MEGF11: variants seen among roughly 807,000 people sequenced by gnomAD.
MEGF11 encodes multiple epidermal growth factor-like domains protein 11.
In MEGF11, 126 loss-of-function variants were observed where a neutral mutation model predicts 146.6. The ratio of observed to expected loss-of-function variants is 0.86; its 90% CI spans 0.74 to 1.00. The LOEUF (loss-of-function observed/expected upper bound fraction) is 1.00, where lower values mean the gene tolerates loss of function less well. Ranked by LOEUF, MEGF11 falls within the 50% of genes least tolerant of loss-of-function variation. The pLI is 0.00. For missense variants in MEGF11, 1,509 were observed against 1,521.2 expected, an observed-to-expected ratio of 0.99 and a Z score of 0.13; for synonymous variants, 532 against 583.4, an observed-to-expected ratio of 0.91 and a Z score of 1.27.
At chr15:66,107,011 C>T (rs2087114431) in intron 4 of MEGF11, among the ~76,000 whole-genome samples, 1 of 151,736 alleles carries the variant, frequency 6.6e-6, no homozygotes, top group Non-Finnish European at 1.5e-5. Context: ...ATTCTAACTT[C>T]GTGATAGGGG....
At chr15:66,167,594 G>A (rs534595650) in intron 1 of MEGF11, among the ~76,000 whole-genome samples, 5 of 152,006 alleles carry the variant, frequency 3.3e-5, no homozygotes, top group Admixed American at 6.6e-5. Flanking sequence ...GCAGTGAGCC[G>A]AGATTGCGCC....
intron 5 of MEGF11, among the ~76,000 whole-genome samples, chr15:66,029,991 G>A (rs1203561098): frequency 6.6e-6 from 1 of 152,162 alleles, no homozygotes; most frequent in Non-Finnish European, 1.5e-5. Context: ...CTATTCCTGG[G>A]GACATTTTTC....
At chr15:66,105,415 T>C (rs2087021549) in intron 4 of MEGF11, among the ~76,000 whole-genome samples, 1 of 152,192 alleles carries the variant, frequency 6.6e-6, no homozygotes, top group African/African-American at 2.4e-5. Context: ...ATAAGTCCAT[T>C]GTGCAAGAAG....
intron 5 of MEGF11, among the ~76,000 whole-genome samples, chr15:65,997,405 A>G (rs935237117): frequency 1.3e-5 from 2 of 152,180 alleles, no homozygotes; most frequent in African/African-American, 4.8e-5. Context: ...TAAAAGCACC[A>G]TGGTCCTGTC....
chr15:65,898,118 GTTC>G (rs1160459958), intron 25 of MEGF11, 24 bp from the exon 26 acceptor site: 2 of 1,602,222 alleles, frequency 1.2e-6, no homozygotes, highest in Non-Finnish European at 1.7e-6. Context: ...TGAAAAATGA[GTTC>G]AGAGAACAGA....
intron 24 of MEGF11, among the ~76,000 whole-genome samples, chr15:65,900,320 AAAAGTG>A (rs1423048969): frequency 6.6e-6 from 1 of 152,214 alleles, no homozygotes; most frequent in African/African-American, 2.4e-5. Context: ...GAAAATGGTA[AAAAGTG>A]AAAGTGATAA....
chr15:66,056,062 G>T (rs1322081133), intron 5 of MEGF11, among the ~76,000 whole-genome samples: 1 of 152,140 alleles, frequency 6.6e-6, no homozygotes, highest in Non-Finnish European at 1.5e-5. Context: ...TGTTAGAAAT[G>T]CAGAGTGTCA....
chr15:65,968,911 G>A (rs1349052421), intron 8 of MEGF11, among the ~76,000 whole-genome samples: 1 of 152,204 alleles, frequency 6.6e-6, no homozygotes, highest in African/African-American at 2.4e-5. Context: ...ATGATTTGGG[G>A]TGGGTTAATG....
In MEGF11 at chr15:65,957,650, G is replaced by A; in HGVS notation, c.1184C>T (p.Pro395Leu). ...WSGHHCNESCPVGYYGDGCQL... is the reference protein window; with the variant it reads ...WSGHHCNESCLVGYYGDGCQL... ...GCAGCCATCGCCATAGTAGCCAACA[G>A]GGCAGGATTCATTGCAGTGGTGACC... The change falls in exon 10 of 26, where the codon CCT becomes CTT. Residue 395 changes from proline to leucine, a missense_variant. By Grantham distance (98) the Pro-to-Leu change is moderately conservative (BLOSUM62 -3). Transcript: ENST00000395614. The A allele has an allele frequency of 1.2e-6, 2 of 1,614,016 alleles. No individual in the cohort carries two copies. Among genetic ancestry groups the A allele is most frequent in the Non-Finnish European group, 1.7e-6 (2 of 1,179,906 alleles).
chr15:66,168,337 G>T (rs1442476335), intron 1 of MEGF11, among the ~76,000 whole-genome samples: 1 of 152,062 alleles, frequency 6.6e-6, no homozygotes, highest in African/African-American at 2.4e-5. Flanking sequence ...ATGCCCTCCA[G>T]CTCCTGCCCA....
At chr15:66,202,735 T>C (rs894600933) in intron 1 of MEGF11, among the ~76,000 whole-genome samples, 1 of 152,232 alleles carries the variant, frequency 6.6e-6, no homozygotes, top group African/African-American at 2.4e-5. Flanking sequence ...GGTCAGTTTC[T>C]TTCAGGACTG....
chr15:66,233,296 C>T (rs2092009014), intron 1 of MEGF11, among the ~76,000 whole-genome samples: 1 of 152,136 alleles, frequency 6.6e-6, no homozygotes, highest in Non-Finnish European at 1.5e-5. Context: ...AGTGCAAGAG[C>T]ATGATCTCAG....
At chr15:66,170,690 AG>A (rs149031531) in intron 1 of MEGF11, among the ~76,000 whole-genome samples, 5 of 152,148 alleles carry the variant, frequency 3.3e-5, no homozygotes, top group South Asian at 2.1e-4. Flanking sequence ...ATAGAATGGG[AG>A]GGGGGCCTTT....
At chr15:66,041,766 G>A (rs1317826575) in intron 5 of MEGF11, among the ~76,000 whole-genome samples, 1 of 152,132 alleles carries the variant, frequency 6.6e-6, no homozygotes, top group East Asian at 1.9e-4. Flanking sequence ...ACTCATTTAA[G>A]CCTTCTAACT....
chr15:66,146,354 A>C (rs2089371027), intron 1 of MEGF11, among the ~76,000 whole-genome samples: 2 of 152,220 alleles, frequency 1.3e-5, no homozygotes, highest in Non-Finnish European at 2.9e-5. Context: ...GAGACCTCAC[A>C]GGAAGAGTCT....
chr15:65,898,546 T>C, intron 25 of MEGF11, 182 bp downstream of exon 25: 1 of 985,342 alleles, frequency 1.0e-6, no homozygotes, highest in South Asian at 4.7e-5. Flanking sequence ...GGTACAATAA[T>C]TTGACTTCCT....
At chr15:66,166,207 C>T (rs959742495) in intron 1 of MEGF11, among the ~76,000 whole-genome samples, 3 of 152,306 alleles carry the variant, frequency 2.0e-5, no homozygotes, top group African/African-American at 7.2e-5. Context: ...TTGCTCTCCC[C>T]GCCCAGGGTT....
rs142189890 is a variant in MEGF11, at chr15:65,996,214, G to C, written c.395-13726C>G. On this transcript the variant is annotated intron_variant, in intron 5 of 25. Coordinates refer to ENST00000395614, the MANE Select transcript of MEGF11 (RefSeq NM_001385028.1). ...TCCTTGACATGCCTTCCATCTCTCA[G>C]AGTCACCTGGGGAAATCCGTAGGGC... 1.1e-3 allele frequency among the ~76,000 whole-genome samples: 166 copies of C among 152,264 alleles called. 1 individual carries two copies. The highest frequency in any genetic ancestry group is 3.8e-3 in the African/African-American group (159 of 41,554).
Position 66,030,393 on chromosome 15 carries a change from TCACA to T in MEGF11, c.395-47909_395-47906del, listed in dbSNP as rs60410020. ...TCAGACCACACATCCATTACCTCAC[TCACA>T]CACACAGTCCTCAACCTTTTTATTC... On this transcript the variant is annotated intron_variant, in intron 5 of 25. Transcript: ENST00000395614. 3.6e-3 allele frequency among the ~76,000 whole-genome samples: 550 copies of T among 152,222 alleles called. 4 individuals are homozygous for T. Among genetic ancestry groups the T allele is most frequent in the African/African-American group, 0.013 (532 of 41,544 alleles).
Sources: gnomAD v4.1 joint callset for allele counts (sites outside exome capture counted in the v4.1 genomes callset) on GRCh38, gnomAD v4.1.1 for gene constraint, MANE v1.5 for transcripts, NCBI Gene and HGNC (gene_info 2026-07-23, HGNC 2026-07-21) for gene names.